Variants in NTNG1 observed in about 807,000 individuals in gnomAD.
NTNG1 encodes the protein netrin-G1.
A neutral mutation model predicts 54.0 loss-of-function variants in NTNG1; 16 were observed. That is an observed-to-expected ratio of 0.30 (90% confidence interval 0.20 to 0.45). The LOEUF is 0.45. Among genes scored for constraint, NTNG1 ranks in the 20% least tolerant of loss-of-function variants. NTNG1 has a pLI of 1.00. For missense variants in NTNG1, 530 were observed against 678.7 expected (o/e 0.78, Z 2.43); for synonymous variants, 255 against 263.1 (o/e 0.97, Z 0.30).
At chr1:107,167,475 A>C (rs1022350723) in intron 2 of NTNG1, among the ~76,000 whole-genome samples, 1 of 151,728 alleles carries the variant, frequency 6.6e-6, no homozygotes, top group African/African-American at 2.4e-5. Flanking sequence ...ACAAATATAA[A>C]AATAATATGT....
intron 2 of NTNG1, among the ~76,000 whole-genome samples, chr1:107,201,824 A>T (rs1658779979): frequency 6.6e-6 from 1 of 151,878 alleles, no homozygotes; most frequent in Non-Finnish European, 1.5e-5. Flanking sequence ...CCATTTCCTT[A>T]ACATTCCCTT....
chr1:107,247,702 A>G (rs994736826), intron 2 of NTNG1, among the ~76,000 whole-genome samples: 1 of 152,182 alleles, frequency 6.6e-6, no homozygotes, highest in Non-Finnish European at 1.5e-5. Flanking sequence ...CATAAAGGAG[A>G]AGATCTCATT....
chr1:107,236,206 G>C (rs979993537), intron 2 of NTNG1, among the ~76,000 whole-genome samples: 1 of 152,136 alleles, frequency 6.6e-6, no homozygotes, highest in Non-Finnish European at 1.5e-5. Flanking sequence ...TAATTACAGT[G>C]GACTTCTGGT....
chr1:107,223,286 G>A (rs1197524697), intron 2 of NTNG1, among the ~76,000 whole-genome samples: 4 of 152,014 alleles, frequency 2.6e-5, no homozygotes, highest in East Asian at 1.9e-4. Context: ...GTGTGTGAAG[G>A]TTATATAAGG....
At chr1:107,157,749 A>T (rs764676630) in intron 2 of NTNG1, among the ~76,000 whole-genome samples, 30 of 151,926 alleles carry the variant, frequency 2.0e-4, no homozygotes, top group Non-Finnish European at 3.7e-4. Flanking sequence ...AAGAGTTTTA[A>T]CTCCTTTGTA....
intron 2 of NTNG1, among the ~76,000 whole-genome samples, chr1:107,251,498 T>G (rs1318017319): frequency 6.6e-6 from 1 of 152,200 alleles, no homozygotes; most frequent in African/African-American, 2.4e-5. Context: ...TCCTTCACTT[T>G]TGCATCTAGT....
rs375207078 is a variant in NTNG1, at chr1:107,190,964, A to G, written c.246+42125A>G. On this transcript the variant is annotated intron_variant, in intron 2 of 7. Transcript: ENST00000370068. Reference sequence around the variant, plus strand: ...CCCAGTAATGGGATGGCTGGGTCAAATGGTATTTCTAGTTCTAGATCCCTG... The same window carrying G: ...CCCAGTAATGGGATGGCTGGGTCAAGTGGTATTTCTAGTTCTAGATCCCTG... Among the ~76,000 whole-genome samples the G allele has an allele frequency of 5.5e-4, 83 of 152,258 alleles. 2 individuals carry two copies. In the East Asian group the frequency reaches 0.014, roughly 25 times the overall value.
intron 2 of NTNG1, among the ~76,000 whole-genome samples, chr1:107,253,420 T>A (rs549884447): frequency 5.9e-4 from 90 of 152,358 alleles, no homozygotes; most frequent in South Asian, 5.4e-3. Context: ...AAGGAATATA[T>A]CTTTATCCTT....
intron 2 of NTNG1, among the ~76,000 whole-genome samples, chr1:107,322,537 G>A (rs1262978498): frequency 6.6e-6 from 1 of 151,984 alleles, no homozygotes; most frequent in Non-Finnish European, 1.5e-5. Flanking sequence ...AATATTTATA[G>A]CCCTCCATAA....
intron 2 of NTNG1, among the ~76,000 whole-genome samples, chr1:107,299,412 C>T (rs954372701): frequency 2.0e-5 from 3 of 152,078 alleles, no homozygotes; most frequent in African/African-American, 7.2e-5. Context: ...GTAGCACATA[C>T]AGTGGTACTT....
chr1:107,298,937 C>T (rs1268279865), intron 2 of NTNG1, among the ~76,000 whole-genome samples: 1 of 152,072 alleles, frequency 6.6e-6, no homozygotes, highest in Admixed American at 6.6e-5. Context: ...GGAGAAAAAC[C>T]CTGCAGATGG....
At chr1:107,268,632 G>A (rs528307890) in intron 2 of NTNG1, among the ~76,000 whole-genome samples, 1 of 152,138 alleles carries the variant, frequency 6.6e-6, no homozygotes, top group Admixed American at 6.5e-5. Flanking sequence ...ATAAGCCCCA[G>A]ATAACTTAAT....
At chr1:107,389,225 A>C (rs1334567435) in intron 3 of NTNG1, among the ~76,000 whole-genome samples, 1 of 152,242 alleles carries the variant, frequency 6.6e-6, no homozygotes, top group Non-Finnish European at 1.5e-5. Flanking sequence ...CTCCTATGGC[A>C]CAAAAGTAAC....
chr1:107,317,981 T>G (rs1667432718), intron 2 of NTNG1, among the ~76,000 whole-genome samples: 1 of 152,222 alleles, frequency 6.6e-6, no homozygotes, highest in Non-Finnish European at 1.5e-5. Flanking sequence ...AGACTCATGT[T>G]CTGACAGATG....
intron 2 of NTNG1, among the ~76,000 whole-genome samples, chr1:107,229,735 T>C (rs545528716): frequency 6.6e-6 from 1 of 152,014 alleles, no homozygotes; most frequent in African/African-American, 2.4e-5. Flanking sequence ...CTTTTTTTTT[T>C]ATTTAAAAAT....
At chr1:107,438,817 C>A (rs769999946) in intron 7 of NTNG1, among the ~76,000 whole-genome samples, 1 of 152,210 alleles carries the variant, frequency 6.6e-6, no homozygotes, top group Admixed American at 6.5e-5. Context: ...TTGCCACCAA[C>A]TTTTCCCTTC....
intron 7 of NTNG1, among the ~76,000 whole-genome samples, chr1:107,459,441 T>G (rs1420091700): frequency 6.6e-6 from 1 of 152,072 alleles, no homozygotes; most frequent in African/African-American, 2.4e-5. Flanking sequence ...GAAAATACCC[T>G]TGCCAGTATA....
Position 107,324,712 on chromosome 1 carries a change from A to G in NTNG1, c.677A>G (p.Lys226Arg), listed in dbSNP as rs758238168. ...TNSKIIHFEI[K>R]DRFAFFAGPR... ...AGCAAAATAATCCACTTTGAAATCA[A>G]AGACAGGTTCGCGTTTTTTGCTGGA... The change falls in exon 3 of 8, where the codon AAA (lysine) becomes AGA (arginine). Residue 226 changes from lysine to arginine, a missense_variant. Coordinates refer to ENST00000370068, the MANE Select transcript of NTNG1 (RefSeq NM_001113226.3). 2 of 1,613,610 alleles carry G rather than the reference A, an allele frequency of 1.2e-6. No homozygotes were observed. Among genetic ancestry groups the G allele is most frequent in the Non-Finnish European group, 1.7e-6 (2 of 1,179,778 alleles).
chr1:107,335,029 A>G (rs1202632804), intron 3 of NTNG1, among the ~76,000 whole-genome samples: 1 of 152,042 alleles, frequency 6.6e-6, no homozygotes, highest in Non-Finnish European at 1.5e-5. Flanking sequence ...GTCCAAACTT[A>G]AAGAATAAAA....
Sources: gnomAD v4.1 joint callset for allele counts (sites outside exome capture counted in the v4.1 genomes callset) on GRCh38, gnomAD v4.1.1 for gene constraint, MANE v1.5 for transcripts, NCBI Gene and HGNC (gene_info 2026-07-23, HGNC 2026-07-21) for gene names.